The following NVL variants were observed in gnomAD, a reference collection of about 807,000 sequenced individuals.
The protein encoded by NVL is nuclear valosin-containing protein-like.
In NVL, 84 loss-of-function variants were observed where a neutral mutation model predicts 110.2. That is an observed-to-expected ratio of 0.76 (90% confidence interval 0.64 to 0.91). The LOEUF is 0.91. Among genes scored for constraint, NVL ranks in the 40% least tolerant of loss-of-function variants. The probability of loss-of-function intolerance (pLI) is 0.00; values close to 1 mark genes in which losing one functional copy is unlikely to be tolerated. For synonymous variants in NVL, 354 were observed against 361.1 expected (o/e 0.98, Z 0.22); for missense variants, 882 against 1,035.9 (o/e 0.85, Z 2.04).
chr1:224,261,525 GAA>G (rs1663982397), intron 18 of NVL, among the ~76,000 whole-genome samples: 1 of 152,196 alleles, frequency 6.6e-6, no homozygotes, highest in South Asian at 2.1e-4. Context: ...GTTGGTATGT[GAA>G]AAAGAGAATG....
intron 17 of NVL, among the ~76,000 whole-genome samples, chr1:224,269,155 T>C (rs1664801417): frequency 6.7e-6 from 1 of 149,352 alleles, no homozygotes; most frequent in Admixed American, 6.8e-5. Flanking sequence ...TGGTGTGATA[T>C]CAGCTCACTG....
Position 224,233,306 on chromosome 1 carries a change from G to C in NVL, c.2367-17C>G. 1 of 1,579,664 alleles carries C rather than the reference G, an allele frequency of 6.3e-7. No individual in the cohort carries two copies. Among genetic ancestry groups the C allele is most frequent in the Non-Finnish European group, 8.6e-7 (1 of 1,164,414 alleles). On this transcript the variant is annotated splice_polypyrimidine_tract_variant and intron_variant, in intron 20 of 22. Transcript: ENST00000281701. The stretch of plus-strand genomic sequence containing the variant: ...TCTGCGCCCCTACAATAAAATAATA[G>C]TTATCTACTTATTCTTAGATACTGC...
intron 19 of NVL, among the ~76,000 whole-genome samples, chr1:224,240,181 C>G (rs1360420291): frequency 2.7e-5 from 4 of 150,938 alleles, no homozygotes; most frequent in African/African-American, 9.8e-5. Flanking sequence ...GATTCTCCTG[C>G]CTCAGCCCCC....
At chr1:224,323,035 T>TA (rs999138118) in intron 2 of NVL, among the ~76,000 whole-genome samples, 4 of 152,012 alleles carry the variant, frequency 2.6e-5, no homozygotes, top group African/African-American at 9.7e-5. Flanking sequence ...GTTCTATAGT[T>TA]ATATACACAC....
At chr1:224,295,080 T>G (rs1428108676) in intron 11 of NVL, among the ~76,000 whole-genome samples, 3 of 152,240 alleles carry the variant, frequency 2.0e-5, no homozygotes, top group Non-Finnish European at 4.4e-5. Context: ...TCCTAAGTAT[T>G]ATTTCTCTCA....
chr1:224,314,933 C>T (rs573784990), intron 4 of NVL, among the ~76,000 whole-genome samples: 4 of 152,056 alleles, frequency 2.6e-5, no homozygotes, highest in African/African-American at 9.7e-5. Flanking sequence ...ATGGCTTAAA[C>T]CCGGGAGGCG....
chr1:224,272,261 C>T (rs141121153), intron 17 of NVL, among the ~76,000 whole-genome samples: 2,786 of 151,422 alleles, frequency 0.018, 102 homozygotes, highest in African/African-American at 0.064. Context: ...ACAAGAATCG[C>T]TTGAACCCAG....
intron 4 of NVL, among the ~76,000 whole-genome samples, chr1:224,314,641 A>G (rs1002359213): frequency 3.9e-5 from 6 of 152,230 alleles, no homozygotes; most frequent in African/African-American, 1.4e-4. Context: ...AACACTAACA[A>G]ATATTCAAAA....
At chr1:224,308,666 G>A (rs1669179641) in intron 5 of NVL, among the ~76,000 whole-genome samples, 1 of 149,626 alleles carries the variant, frequency 6.7e-6, no homozygotes. Context: ...ACTCCAGCCT[G>A]GGTGACAGAG....
At chr1:224,317,829 A>G (rs1670242422) in intron 3 of NVL, 36 bp from the exon 4 acceptor site, 1 of 1,555,440 alleles carries the variant, frequency 6.4e-7, no homozygotes, top group African/African-American at 1.4e-5. Flanking sequence ...AGCTAAAACA[A>G]TCGTTTGTAT....
chr1:224,328,793 G>GA (rs1209048160), intron 1 of NVL, among the ~76,000 whole-genome samples: 2 of 151,844 alleles, frequency 1.3e-5, no homozygotes, highest in South Asian at 2.1e-4. Context: ...TTTGAAGGAA[G>GA]AAAAAAATCA....
At chr1:224,236,052 T>C (rs2102705077) in intron 20 of NVL, among the ~76,000 whole-genome samples, 1 of 152,232 alleles carries the variant, frequency 6.6e-6, no homozygotes, top group East Asian at 1.9e-4. Context: ...AACAAACAAA[T>C]TTACTTCAAA....
intron 19 of NVL, among the ~76,000 whole-genome samples, chr1:224,246,807 G>A (rs1330297571): frequency 2.0e-5 from 3 of 151,866 alleles, no homozygotes; most frequent in Admixed American, 2.0e-4. Flanking sequence ...AGGCCGTGGT[G>A]GGCGGATCAC....
At chr1:224,271,037 C>T (rs866322422) in intron 17 of NVL, among the ~76,000 whole-genome samples, 3 of 152,174 alleles carry the variant, frequency 2.0e-5, no homozygotes, top group East Asian at 3.9e-4. Context: ...CACAAAAATA[C>T]GTGAAACAAG....
rs1407422424 is a variant in NVL at position 224,287,790 on chromosome 1, G to T, written c.1779C>A (p.Leu593=). The change falls in exon 14 of 23, where the codon CTC becomes CTA. Residue 593 remains leucine, a synonymous_variant. Transcript: ENST00000281701. The part of the protein sequence containing the change: ...IGALEDIREE[L]TMAILAPVRN... ...ATATACCTACCAATATTGCCATGGT[G>T]AGCTCCTCTCTAATGTCTTCCAGGG... is the stretch of plus-strand genomic sequence containing the variant. 1 of 1,613,890 alleles carries T rather than the reference G, an allele frequency of 6.2e-7. No homozygotes were observed. The highest frequency in any genetic ancestry group is 2.2e-5 in the East Asian group (1 of 44,882).
chr1:224,248,936 G>C (rs532734343), intron 19 of NVL, among the ~76,000 whole-genome samples: 21 of 152,326 alleles, frequency 1.4e-4, no homozygotes, highest in African/African-American at 3.8e-4. Context: ...CAGCTCCCAT[G>C]GGGGGAGGTA....
chr1:224,293,042 A>C (rs1319163089), intron 12 of NVL, among the ~76,000 whole-genome samples: 4 of 150,340 alleles, frequency 2.7e-5, no homozygotes, highest in African/African-American at 7.4e-5. Context: ...GGTGTGAGCC[A>C]CCATACCCGA....
intron 2 of NVL, among the ~76,000 whole-genome samples, chr1:224,318,558 C>T (rs1176478307): frequency 2.6e-5 from 4 of 151,332 alleles, no homozygotes; most frequent in African/African-American, 9.7e-5. Context: ...GCCGTGATTG[C>T]GCCAATGCAC....
In NVL at chr1:224,233,286, G is replaced by GC; in HGVS notation, c.2369dup (p.Ala791ArgfsTer27). On this transcript the variant is annotated frameshift_variant, in exon 21 of 23. Coordinates refer to ENST00000281701, the MANE Select transcript of NVL (RefSeq NM_002533.4). LOFTEE classifies it high-confidence loss of function. ...CTCGTACCAAAGCAGAGAGATCTGC[G>GC]CCCCTACAATAAAATAATAGTTATC... 1 of 1,601,376 alleles carries GC rather than the reference G, an allele frequency of 6.2e-7. No homozygotes were observed. The highest frequency in any genetic ancestry group is 8.5e-7 in the Non-Finnish European group (1 of 1,175,480).
Sources: allele counts gnomAD v4.1 joint callset (sites outside exome capture counted in the v4.1 genomes callset), GRCh38; gene constraint gnomAD v4.1.1; transcripts MANE v1.5; gene names NCBI Gene and HGNC (gene_info 2026-07-23, HGNC 2026-07-21).